TAP2: variants seen among roughly 807,000 people sequenced by gnomAD.
TAP2 encodes the protein antigen peptide transporter 2.
TAP2 carries 49 observed loss-of-function variants against 74.7 expected under a neutral mutation model. The observed-to-expected ratio is 0.66, with a 90% CI of 0.52 to 0.83. TAP2 has a LOEUF of 0.83. Ranked by LOEUF, TAP2 falls within the 40% of genes least tolerant of loss-of-function variation. TAP2 has a pLI of 0.00. For missense variants in TAP2, 739 were observed against 859.0 expected, an observed-to-expected ratio of 0.86 and a Z score of 1.75; for synonymous variants, 306 against 368.4, an observed-to-expected ratio of 0.83 and a Z score of 1.94.
Position 32,835,917 on chromosome 6 carries a change from G to C in TAP2, c.609-144C>G. On this transcript the variant is annotated intron_variant, in intron 3 of 11. Coordinates refer to ENST00000374897, the MANE Select transcript of TAP2 (RefSeq NM_001290043.2). The surrounding 1 kb of genome is among the most constrained non-coding windows in gnomAD (Gnocchi z 4.0). ...AGGGGCAAAAGAGAAAGAAATGAGA[G>C]ACAGACACACAGAGAGAGAAGAGGT... The C allele has an allele frequency of 2.0e-6, 2 of 976,336 alleles. No homozygotes were observed. The highest frequency in any genetic ancestry group is 3.1e-6 in the Non-Finnish European group (2 of 638,600). The allele number at this position is 976,336 out of a possible 1,614,324, so 60.5% of individuals were successfully genotyped here.
chr6:32,826,942 G>T lies in TAP2; in HGVS notation c.*1964C>A, dbSNP rs774403165. ...TAAAGGACATTTGTGGGAGAGAAAG[G>T]AATCAGGCCAGAGTTCTTTCTCTCC... On this transcript the variant is annotated 3_prime_UTR_variant, in exon 12 of 12. Coordinates refer to ENST00000374897, the MANE Select transcript of TAP2 (RefSeq NM_001290043.2). 9.0e-5 allele frequency: 89 copies of T among 985,336 alleles called. No individual in the cohort carries two copies. Among genetic ancestry groups the T allele is most frequent in the Non-Finnish European group, 1.0e-4 (87 of 829,926 alleles). The allele number at this position is 985,336 out of a possible 1,614,324, so 61.0% of individuals were successfully genotyped here. A position where few individuals can be genotyped will look rare whatever the true frequency, so the allele number is the denominator to read the frequency against.
rs560446683 is a variant in TAP2 at position 32,829,655 on chromosome 6, C to T, written c.1796-119G>A. The T allele has an allele frequency of 1.6e-4, 236 of 1,485,796 alleles. 2 individuals carry two copies. The South Asian group carries it at 2.3e-3, about 15-fold the overall frequency. 92.0% of individuals were successfully genotyped at this position (1,485,796 alleles called of 1,614,324 possible). On this transcript the variant is annotated intron_variant, in intron 10 of 11. Transcript: ENST00000374897. ...CCTCGGGAGGTGGGAGGGCCCAGTG[C>T]GGGGAGGGCCCAGTGGGAGGAGGGC...
intron 7 of TAP2, among the ~76,000 whole-genome samples, chr6:32,831,766 G>GGATA (rs368030467): frequency 0.011 from 1,619 of 152,244 alleles, 26 homozygotes; most frequent in African/African-American, 0.03. Context: ...ATAGATGGAT[G>GGATA]GATAGATAGA....
rs750999800 is a variant in TAP2 at position 32,832,400 on chromosome 6, C to T, written c.1205G>A (p.Gly402Glu). ...AAGCAGGCTGCCCTGGGTGAGCTCC[C>T]CATCCTGCATCTGCTGCAGCCCACA... ...LSCGLQQMQDGELTQGSLLSF... is the reference protein window; with the variant it reads ...LSCGLQQMQDEELTQGSLLSF... Residue 402 changes from glycine (G) to glutamate (E), a missense_variant, in exon 7 of 12, where the codon GGG (glycine) becomes GAG (glutamate). Gly to Glu is a moderately conservative substitution (Grantham distance 98). Coordinates refer to ENST00000374897, the MANE Select transcript of TAP2 (RefSeq NM_001290043.2). The surrounding 1 kb of genome is among the most constrained non-coding windows in gnomAD (Gnocchi z 5.9). The T allele has an allele frequency of 2.5e-6, 4 of 1,612,982 alleles. No individual in the cohort carries two copies. Among genetic ancestry groups the T allele is most frequent in the Admixed American group, 1.7e-5 (1 of 60,008 alleles).
chr6:32,835,061 C>A lies in TAP2; in HGVS notation c.945+93G>T. 1.5e-6 allele frequency: 2 copies of A among 1,323,482 alleles called. No individual in the cohort carries two copies. The highest frequency in any genetic ancestry group is 1.1e-6 in the Non-Finnish European group (1 of 931,000). The allele number at this position is 1,323,482 out of a possible 1,614,324, so 82.0% of individuals were successfully genotyped here. A position where few individuals can be genotyped will look rare whatever the true frequency, so the allele number is the denominator to read the frequency against. On this transcript the variant is annotated intron_variant, in intron 5 of 11. Transcript: ENST00000374897. The surrounding 1 kb of genome is among the most constrained non-coding windows in gnomAD (Gnocchi z 4.0). ...CCCCTAATGGCTGAGAAGAGAACAT[C>A]TCTCTCTAGGGGATCCTCTAGCCAC...
In TAP2 at chr6:32,837,756, C is replaced by T. The variant is rs1562339815; in HGVS notation, c.478G>A (p.Val160Ile). 1.2e-6 allele frequency: 2 copies of T among 1,614,034 alleles called. No individual in the cohort carries two copies. Among genetic ancestry groups the T allele is most frequent in the South Asian group, 2.2e-5 (2 of 91,084 alleles). Residue 160 changes from valine (V) to isoleucine (I), a missense_variant, in exon 2 of 12, where the codon GTC (valine) becomes ATC (isoleucine). Physicochemically the swap from Val to Ile is conservative, Grantham distance 29. Transcript: ENST00000374897. Reference sequence around the variant, plus strand: ...CCTGACTCACCCAAAACAGCAAGGACAAGGAAGAAGAAGGCGGCAACGAGG... The same window carrying T: ...CCTGACTCACCCAAAACAGCAAGGATAAGGAAGAAGAAGGCGGCAACGAGG... The part of the protein sequence containing the change: ...PLLVAAFFFL[V>I]LAVLGETLIP...
rs766731595 is a variant in TAP2 at position 32,830,799 on chromosome 6, A to G, written c.1280T>C (p.Val427Ala). The change falls in exon 8 of 12, where the codon GTA becomes GCA. Residue 427 changes from valine (V) to alanine (A), a missense_variant. Physicochemically the swap from Val to Ala is moderately conservative, Grantham distance 64. Transcript: ENST00000374897. ...GCTGAGCATATCCCCATATATGTAT[A>G]CCAGGGTCTGGAAAACAGGAATGGG... ...ESVGSYVQTL[V>A]YIYGDMLSNV... The G allele has an allele frequency of 1.9e-6, 3 of 1,610,582 alleles. No individual in the cohort carries two copies. In the Admixed American group the frequency reaches 5.0e-5, roughly 27 times the overall value.
rs755101166 is a variant in TAP2 at position 32,835,283 on chromosome 6, C to T, written c.816G>A (p.Leu272=). ...GCCCCACCACTTTCACCAGGCTTCGCAAGAGCACATTGGCATTTAAAGGAA... is the reference window on the plus strand; with the variant it reads ...GCCCCACCACTTTCACCAGGCTTCGTAAGAGCACATTGGCATTTAAAGGAA... ...NWLPLNANVL[L]RSLVKVVGLY... is the part of the protein sequence containing the mutation. The change falls in exon 5 of 12, where the codon TTG becomes TTA. Residue 272 remains leucine (L), a synonymous_variant. Coordinates refer to ENST00000374897, the MANE Select transcript of TAP2 (RefSeq NM_001290043.2). This position sits in a 1 kb window ranked among gnomAD's most constrained non-coding sequence, Gnocchi z 4.0. 1.9e-6 allele frequency: 3 copies of T among 1,612,934 alleles called. No homozygotes were observed. In the African/African-American group the frequency reaches 4.0e-5, roughly 22 times the overall value.
downstream of TAP2, among the ~76,000 whole-genome samples, chr6:32,825,239 A>C (rs1230897367): frequency 1.3e-5 from 2 of 151,806 alleles, no homozygotes; most frequent in Non-Finnish European, 2.9e-5. Context: ...CAATATTTGT[A>C]ATGTATATAT....
In TAP2 at chr6:32,837,785, G is replaced by C. The variant is rs751087452; in HGVS notation, c.449C>G (p.Pro150Arg). ...RLLKLSRPDLPLLVAAFFFLV... is the reference protein window; with the variant it reads ...RLLKLSRPDLRLLVAAFFFLV... ...GAAGAAGAAGGCGGCAACGAGGAGA[G>C]GCAGGTCCGGCCTGGAGAGCTTCAG... is the stretch of plus-strand genomic sequence containing the variant. The change falls in exon 2 of 12, where the codon CCT (proline) becomes CGT (arginine). Residue 150 changes from proline to arginine, a missense_variant. Coordinates refer to ENST00000374897, the MANE Select transcript of TAP2 (RefSeq NM_001290043.2). 3 of 1,614,186 alleles carry C rather than the reference G, an allele frequency of 1.9e-6. No individual in the cohort carries two copies. Among genetic ancestry groups the C allele is most frequent in the Non-Finnish European group, 1.7e-6 (2 of 1,180,044 alleles).
rs1768582455 is a variant in TAP2 at position 32,825,465 on chromosome 6, C to G, written c.*3441G>C. The G allele has an allele frequency of 6.6e-6, 1 of 151,950 alleles. No individual in the cohort carries two copies. Among genetic ancestry groups the G allele is most frequent in the Non-Finnish European group, 1.5e-5 (1 of 67,978 alleles). The allele number at this position is 151,950 out of a possible 1,614,324, so 9.4% of individuals were successfully genotyped here. ...TTAATTTAAAAAATAAAGTTCAGAA[C>G]AGTGAACTTAGACAGCTGCTGTTTG... On this transcript the variant is annotated 3_prime_UTR_variant, in exon 12 of 12. Transcript: ENST00000374897.
At chr6:32,834,446 G>A (rs1431740282) in intron 5 of TAP2, among the ~76,000 whole-genome samples, 1 of 152,222 alleles carries the variant, frequency 6.6e-6, no homozygotes, top group African/African-American at 2.4e-5. Flanking sequence ...ACAATTCATG[G>A]AGACAGAAGG....
chr6:32,829,855 G>C, intron 10 of TAP2, 75 bp downstream of exon 10: 2 of 1,587,546 alleles, frequency 1.3e-6, no homozygotes, highest in Non-Finnish European at 1.7e-6. Flanking sequence ...ACAGGGACAC[G>C]ACCTTCACCA....
downstream of TAP2, among the ~76,000 whole-genome samples, chr6:32,822,719 G>A (rs1010379267): frequency 2.0e-5 from 3 of 151,944 alleles, no homozygotes; most frequent in African/African-American, 7.3e-5. Context: ...TTTTTGTAGA[G>A]ACGGGTTTTC....
downstream of TAP2, chr6:32,822,001 T>G: frequency 2.6e-6 from 1 of 389,342 alleles, no homozygotes; most frequent in South Asian, 3.9e-5. Context: ...ACAAAAGAAA[T>G]AGTTAGAATT....
In TAP2 at chr6:32,830,676, A is replaced by G. The variant is rs750672820; in HGVS notation, c.1403T>C (p.Val468Ala). 31 of 1,613,072 alleles carry G rather than the reference A, an allele frequency of 1.9e-5. No individual in the cohort carries two copies. The East Asian group carries it at 5.3e-4, about 28-fold the overall frequency. The stretch of plus-strand genomic sequence containing the variant: ...TGCAAAGGAGACGTCTTGGAATTTC[A>G]CAACCCCCTGCAGAGTGGTGGGGGC... Reference protein sequence around the residue: ...TLAPTTLQGVVKFQDVSFAYP... With the variant: ...TLAPTTLQGVAKFQDVSFAYP... Residue 468 changes from valine (V) to alanine (A), a missense_variant, in exon 8 of 12, where the codon GTG becomes GCG. Coordinates refer to ENST00000374897, the MANE Select transcript of TAP2 (RefSeq NM_001290043.2).
At chr6:32,834,534 G>C (rs1380309565) in intron 5 of TAP2, among the ~76,000 whole-genome samples, 1 of 152,140 alleles carries the variant, frequency 6.6e-6, no homozygotes, top group Non-Finnish European at 1.5e-5. Flanking sequence ...TTTCATTTTA[G>C]GAAGATGAAA....
rs241452 is a variant in TAP2, at chr6:32,828,569, T to C, written c.*337A>G. ...TTTCTATATGAATGTATACAGTTCA[T>C]GTAAGAAGGAAAATATTTTAAAATA... On this transcript the variant is annotated 3_prime_UTR_variant, in exon 12 of 12. Transcript: ENST00000374897. 0.25 allele frequency: 253,748 copies of C among 1,012,504 alleles called. 33,035 individuals are homozygous for C. The highest frequency in any genetic ancestry group is 0.4 in the South Asian group (9,239 of 23,178). 62.7% of individuals were successfully genotyped at this position (1,012,504 alleles called of 1,614,324 possible). A position where few individuals can be genotyped will look rare whatever the true frequency, so the allele number is the denominator to read the frequency against.
chr6:32,825,126 T>TTATATATATATATATA (rs28381588), downstream of TAP2, among the ~76,000 whole-genome samples: 3,373 of 140,368 alleles, frequency 0.024, 122 homozygotes, highest in East Asian at 0.056. Context: ...TGTCTGTTGG[T>TTATATATATATATATA]TATATACATA....
Sources: gnomAD v4.1 joint callset for allele counts (sites outside exome capture counted in the v4.1 genomes callset) on GRCh38, gnomAD v4.1.1 for gene constraint, Gnocchi (gnomAD v3.1) non-coding constraint, MANE v1.5 for transcripts, NCBI Gene and HGNC (gene_info 2026-07-23, HGNC 2026-07-21) for gene names.